The following KAT2A variants were observed in gnomAD, a reference collection of about 807,000 sequenced individuals.
KAT2A encodes histone acetyltransferase KAT2A.
KAT2A carries 42 observed loss-of-function variants against 95.2 expected under a neutral mutation model. The ratio of observed to expected loss-of-function variants is 0.44; its 90% CI spans 0.34 to 0.57. KAT2A has a LOEUF of 0.57. Ranked by LOEUF, KAT2A falls within the 20% of genes least tolerant of loss-of-function variation. The probability of loss-of-function intolerance (pLI) is 0.01; values close to 1 mark genes in which losing one functional copy is unlikely to be tolerated. For synonymous variants in KAT2A, 449 were observed against 448.2 expected (o/e 1.00, Z -0.02); for missense variants, 784 against 1,126.3 (o/e 0.70, Z 4.35).
In KAT2A at chr17:42,114,604, T is replaced by C; in HGVS notation, c.2020A>G (p.Ile674Val). 1 of 1,613,008 alleles carries C rather than the reference T, an allele frequency of 6.2e-7. No individual in the cohort carries two copies. Among genetic ancestry groups the C allele is most frequent in the African/African-American group, 1.3e-5 (1 of 74,970 alleles). The change falls in exon 14 of 18, where the codon ATC (isoleucine) becomes GTC (valine). Residue 674 changes from isoleucine (I) to valine (V), a missense_variant and splice_region_variant. Physicochemically the swap from Ile to Val is conservative, Grantham distance 29. This residue lies in a region of KAT2A where 195 missense variants were observed against 247.1 expected (regional missense o/e 0.79). Coordinates refer to ENST00000225916, the MANE Select transcript of KAT2A (RefSeq NM_021078.3). The surrounding 1 kb of genome is among the most constrained non-coding windows in gnomAD (Gnocchi z 6.0). The stretch of plus-strand genomic sequence containing the variant: ...TTGCGCTCAATCAGCTTCTTGATGA[T>C]CTGAGGGAAGGAAGGGACTGAGGGG... ...LSHIIKKQKE[I>V]IKKLIERKQA... is the part of the protein sequence containing the mutation.
At position 42,114,060 on chromosome 17, in the gene KAT2A, T is replaced by C. The variant is rs781842996; in HGVS notation, c.2260A>G (p.Met754Val). 3 of 1,531,058 alleles carry C rather than the reference T, an allele frequency of 2.0e-6. No individual in the cohort carries two copies. Among genetic ancestry groups the C allele is most frequent in the Non-Finnish European group, 8.7e-7 (1 of 1,145,024 alleles). The allele number at this position is 1,531,058 out of a possible 1,614,324, so 94.8% of individuals were successfully genotyped here. A position where few individuals can be genotyped will look rare whatever the true frequency, so the allele number is the denominator to read the frequency against. Residue 754 changes from methionine (M) to valine (V), a missense_variant, in exon 17 of 18, where the codon ATG (methionine) becomes GTG (valine). Physicochemically the swap from Met to Val is conservative, Grantham distance 21. Transcript: ENST00000225916. The surrounding 1 kb of genome is among the most constrained non-coding windows in gnomAD (Gnocchi z 6.0). ...IKSHPSAWPFMEPVKKSEAPD... is the reference protein window; with the variant it reads ...IKSHPSAWPFVEPVKKSEAPD... ...GCCTCCGACTTCTTCACAGGCTCCA[T>C]GAAGGGCCAGGCACTGGGGTGAGAC... is the stretch of plus-strand genomic sequence containing the variant.
Position 42,121,206 on chromosome 17 carries a change from G to T in KAT2A, c.99C>A (p.Ser33Arg). The change falls in exon 1 of 18, where the codon AGC becomes AGA. Residue 33 changes from serine to arginine, a missense_variant. Transcript: ENST00000225916. ...APAPTPTPAP[S>R]PASAPIPTPT... ...GAGTCGGAATCGGGGCTGAAGCCGG[G>T]CTGGGTGCAGGAGTCGGAGTTGGGG... The T allele has an allele frequency of 1.5e-6, 2 of 1,353,362 alleles. No homozygotes were observed. The highest frequency in any genetic ancestry group is 2.0e-6 in the Non-Finnish European group (2 of 1,018,728). 83.8% of individuals were successfully genotyped at this position (1,353,362 alleles called of 1,614,324 possible). A position where few individuals can be genotyped will look rare whatever the true frequency, so the allele number is the denominator to read the frequency against.
intron 11 of KAT2A, 36 bp downstream of exon 11, chr17:42,116,999 C>G: frequency 1.2e-6 from 2 of 1,611,368 alleles, no homozygotes; most frequent in Non-Finnish European, 1.7e-6. Flanking sequence ...AGGAGTGGGC[C>G]GTGGACTGGG....
intron 12 of KAT2A, among the ~76,000 whole-genome samples, 180 bp from the exon 13 acceptor site, chr17:42,115,215 A>C (rs1248515914): frequency 1.3e-5 from 2 of 150,540 alleles, no homozygotes; most frequent in African/African-American, 4.9e-5. Context: ...TCAGCTGCCC[A>C]CTCCTGACTC....
rs903334275 is a variant in KAT2A at position 42,121,289 on chromosome 17, G to C, written c.16C>G (p.Gln6Glu). 6.5e-6 allele frequency: 9 copies of C among 1,375,892 alleles called. No individual in the cohort carries two copies. The highest frequency in any genetic ancestry group is 1.5e-5 in the African/African-American group (1 of 65,064). The allele number at this position is 1,375,892 out of a possible 1,614,324, so 85.2% of individuals were successfully genotyped here. ...GCAGCCGGGGCCGGGGTCGGGGCCT[G>C]GGAAGGTTCCGCCATGGCCTCCCCC... MAEPS[Q>E]APTPAPAAQP... is the part of the protein sequence containing the mutation. The change falls in exon 1 of 18, where the codon CAG becomes GAG. Residue 6 changes from glutamine (Q) to glutamate (E), a missense_variant. Gln to Glu is a conservative substitution (Grantham distance 29). Around this residue, in one of 6 missense-constraint regions of KAT2A, gnomAD observed 142 missense variants for 123.2 expected, o/e 1.15. Transcript: ENST00000225916.
chr17:42,113,693 ACTT>A lies in KAT2A; in HGVS notation c.2467_2469del (p.Lys823del). 1 of 1,611,018 alleles carries A rather than the reference ACTT, an allele frequency of 6.2e-7. No homozygotes were observed. On this transcript the variant is annotated inframe_deletion, in exon 18 of 18. Coordinates refer to ENST00000225916, the MANE Select transcript of KAT2A (RefSeq NM_021078.3). Reference sequence around the variant, plus strand: ...CCCTCCTTGAGCTTGAAGTAGAAGAACTTCTCCAGGGCGCTGGCACAGCGGCAG... The same window carrying A: ...CCCTCCTTGAGCTTGAAGTAGAAGAACTCCAGGGCGCTGGCACAGCGGCAG...
intron 12 of KAT2A, 65 bp downstream of exon 12, chr17:42,115,658 G>A (rs1555665821): frequency 9.8e-7 from 1 of 1,016,838 alleles, no homozygotes; most frequent in African/African-American, 1.6e-5. Context: ...CATCCACAGA[G>A]GGGCTGGACA....
chr17:42,116,959 C>G, intron 11 of KAT2A, 76 bp downstream of exon 11: 1 of 1,562,196 alleles, frequency 6.4e-7, no homozygotes, highest in Non-Finnish European at 8.7e-7. Context: ...GCATGCCACA[C>G]ATCCTGCTGC....
chr17:42,120,371 C>A lies in KAT2A; in HGVS notation c.464-1G>T. Reference sequence around the variant, plus strand: ...TTCTCCAAGTGGGATACGTGGTCAGCTGCAAGACAGATGGCAGAGTTAGGA... The same window carrying A: ...TTCTCCAAGTGGGATACGTGGTCAGATGCAAGACAGATGGCAGAGTTAGGA... On this transcript the variant is annotated splice_acceptor_variant, in intron 2 of 17. Transcript: ENST00000225916. LOFTEE classifies it high-confidence loss of function. 6.2e-7 allele frequency: 1 copy of A among 1,614,172 alleles called. No individual in the cohort carries two copies. Among genetic ancestry groups the A allele is most frequent in the South Asian group, 1.1e-5 (1 of 91,080 alleles).
In KAT2A at chr17:42,114,375, T is replaced by A. The variant is rs782189409; in HGVS notation, c.2154A>T (p.Pro718=). 1.6e-5 allele frequency: 26 copies of A among 1,613,858 alleles called. No individual in the cohort carries two copies. In the South Asian group the frequency reaches 1.8e-4, roughly 11 times the overall value. ...ACACTCACCCCTTCTCCTTCCCCAA[T>A]GGCTTCCAGCCTGTCTCTCCTGCAA... ...VPGIRETGWK[P]LGKEKGKELK... is the part of the protein sequence containing the mutation. The change falls in exon 15 of 18, where the codon CCA becomes CCT. Residue 718 remains proline, a synonymous_variant. Coordinates refer to ENST00000225916, the MANE Select transcript of KAT2A (RefSeq NM_021078.3). The surrounding 1 kb of genome is among the most constrained non-coding windows in gnomAD (Gnocchi z 6.0).
At chr17:42,116,319 C>T (rs782394545) in intron 11 of KAT2A, among the ~76,000 whole-genome samples, 1 of 152,188 alleles carries the variant, frequency 6.6e-6, no homozygotes, top group Non-Finnish European at 1.5e-5. Flanking sequence ...CAATGAGGCA[C>T]CACACAGATC....
intron 11 of KAT2A, among the ~76,000 whole-genome samples, chr17:42,116,527 G>GGGTGAAACCCTGCAACAT (rs536879673): frequency 6.6e-6 from 1 of 152,138 alleles, no homozygotes; most frequent in African/African-American, 2.4e-5. Context: ...AGACCAGCCT[G>GGGTGAAACCCTGCAACAT]GGTGAAACCC....
At chr17:42,113,890 G>T in intron 17 of KAT2A, 48 bp from the exon 18 acceptor site, 1 of 1,511,816 alleles carries the variant, frequency 6.6e-7, no homozygotes, top group Non-Finnish European at 8.8e-7. Flanking sequence ...TGAAGACCAC[G>T]GCAGGGCTGT....
chr17:42,116,499 C>CT (rs2054260348), intron 11 of KAT2A, among the ~76,000 whole-genome samples: 1 of 152,184 alleles, frequency 6.6e-6, no homozygotes, highest in African/African-American at 2.4e-5. Flanking sequence ...GGGTGAATCA[C>CT]TTAAGGTCAG....
rs142096138 is a variant in KAT2A at position 42,117,050 on chromosome 17, C to T, written c.1749G>A (p.Ser583=). ...FTEIVFCAVT[S]NEQVKGYGTH... The stretch of plus-strand genomic sequence containing the variant: ...CCGCGCTCACCTTGACCTGCTCATT[C>T]GAGGTGACAGCACAGAAGACAATCT... Residue 583 remains serine, a synonymous_variant, in exon 11 of 18, where the codon TCG becomes TCA. Transcript: ENST00000225916. The surrounding 1 kb of genome is among the most constrained non-coding windows in gnomAD (Gnocchi z 8.9). 9 of 1,614,090 alleles carry T rather than the reference C, an allele frequency of 5.6e-6. No individual in the cohort carries two copies. In the East Asian group the frequency reaches 6.7e-5, roughly 12 times the overall value.
At position 42,121,181 on chromosome 17, in the gene KAT2A, G is replaced by A. The variant is rs1555667307; in HGVS notation, c.124C>T (p.Pro42Ser). The A allele has an allele frequency of 7.2e-7, 1 of 1,392,976 alleles. No homozygotes were observed. Among genetic ancestry groups the A allele is most frequent in the Non-Finnish European group, 9.5e-7 (1 of 1,049,622 alleles). 86.3% of individuals were successfully genotyped at this position (1,392,976 alleles called of 1,614,324 possible). A position where few individuals can be genotyped will look rare whatever the true frequency, so the allele number is the denominator to read the frequency against. The change falls in exon 1 of 18, where the codon CCC becomes TCC. Residue 42 changes from proline to serine, a missense_variant. Physicochemically the swap from Pro to Ser is moderately conservative, Grantham distance 74. Around this residue, in one of 6 missense-constraint regions of KAT2A, gnomAD observed 142 missense variants for 123.2 expected, o/e 1.15. Transcript: ENST00000225916. Reference protein sequence around the residue: ...PSPASAPIPTPTPAPAPAPAA... With the variant: ...PSPASAPIPTSTPAPAPAPAA... The stretch of plus-strand genomic sequence containing the variant: ...GGGGCAGGGGCTGGTGCCGGGGTGG[G>A]AGTCGGAATCGGGGCTGAAGCCGGG...
Position 42,117,870 on chromosome 17 carries a change from G to C in KAT2A, c.1291+37C>G. On this transcript the variant is annotated intron_variant, in intron 8 of 17. Coordinates refer to ENST00000225916, the MANE Select transcript of KAT2A (RefSeq NM_021078.3). The surrounding 1 kb of genome is among the most constrained non-coding windows in gnomAD (Gnocchi z 8.9). ...ATCAGTAAAAAAGGTTTGGGAAGGA[G>C]TGAATGAGGGTCAGAGGTCAGGGGT... The C allele has an allele frequency of 1.9e-6, 3 of 1,605,224 alleles. No individual in the cohort carries two copies. The highest frequency in any genetic ancestry group is 2.6e-6 in the Non-Finnish European group (3 of 1,173,746).
At position 42,114,534 on chromosome 17, in the gene KAT2A, T is replaced by C. The variant is rs1555665562; in HGVS notation, c.2090A>G (p.Lys697Arg). Reference protein sequence around the residue: ...RKVYPGLSCFKEGVRQIPVES... With the variant: ...RKVYPGLSCFREGVRQIPVES... ...CACAGGGATCTGCCTCACGCCCTCC[T>C]TGAAGCAGCTGAGCCCCGGGTAGAC... The change falls in exon 14 of 18, where the codon AAG becomes AGG. Residue 697 changes from lysine (K) to arginine (R), a missense_variant. This residue lies in a region of KAT2A where 195 missense variants were observed against 247.1 expected (regional missense o/e 0.79). Transcript: ENST00000225916. The surrounding 1 kb of genome is among the most constrained non-coding windows in gnomAD (Gnocchi z 6.0). The C allele has an allele frequency of 1.9e-6, 3 of 1,614,012 alleles. No homozygotes were observed. The African/African-American group carries it at 4.0e-5, about 22-fold the overall frequency.
Position 42,113,557 on chromosome 17 carries a change from G to T in KAT2A, c.*92C>A. ...CCTTGGCTGGAGTGTCTCAAGCTGA[G>T]TCGGGTCCGTGGGGCCAGGGCACCC... is the stretch of plus-strand genomic sequence containing the variant. On this transcript the variant is annotated 3_prime_UTR_variant, in exon 18 of 18. Transcript: ENST00000225916. 1 of 1,265,842 alleles carries T rather than the reference G, an allele frequency of 7.9e-7. No homozygotes were observed. Among genetic ancestry groups the T allele is most frequent in the Non-Finnish European group, 1.1e-6 (1 of 907,610 alleles). 78.4% of individuals were successfully genotyped at this position (1,265,842 alleles called of 1,614,324 possible).
Sources: gnomAD v4.1 joint callset for allele counts (sites outside exome capture counted in the v4.1 genomes callset) on GRCh38, gnomAD v4.1.1 for gene constraint, gnomAD v4.1.1 regional missense constraint, Gnocchi (gnomAD v3.1) non-coding constraint, MANE v1.5 for transcripts, NCBI Gene and HGNC (gene_info 2026-07-23, HGNC 2026-07-21) for gene names.